ERC2: variants seen among roughly 807,000 people sequenced by gnomAD.
The protein encoded by ERC2 is ERC protein 2.
In ERC2, 42 loss-of-function variants were observed where a neutral mutation model predicts 114.8. That is an observed-to-expected ratio of 0.37 (90% CI 0.29 to 0.47). The LOEUF (loss-of-function observed/expected upper bound fraction) is 0.47. ERC2 is among the 20% of genes least tolerant of loss of function. The probability of loss-of-function intolerance (pLI) is 0.99; values close to 1 mark genes in which losing one functional copy is unlikely to be tolerated. For missense variants in ERC2, 939 were observed against 1,150.7 expected (o/e 0.82, Z 2.66); for synonymous variants, 454 against 425.5 (o/e 1.07, Z -0.82).
intron 14 of ERC2, among the ~76,000 whole-genome samples, chr3:55,822,568 CTTTTTTTTT>C (rs202173599): frequency 7.3e-6 from 1 of 137,082 alleles, no homozygotes; most frequent in African/African-American, 2.8e-5. Context: ...TCTTTTTTTT[CTTTTTTTTT>C]TTTTTGAGAC....
At chr3:56,033,070 A>C (rs1477615954) in intron 7 of ERC2, among the ~76,000 whole-genome samples, 2 of 120,380 alleles carry the variant, frequency 1.7e-5, no homozygotes, top group Non-Finnish European at 4.0e-5. Flanking sequence ...GAAAGAAAGA[A>C]AGAAAGAAAG....
chr3:56,419,641 A>G (rs756879286), intron 2 of ERC2, among the ~76,000 whole-genome samples: 7 of 152,234 alleles, frequency 4.6e-5, no homozygotes, highest in Non-Finnish European at 7.3e-5. Context: ...TCATATTACC[A>G]AAAGCTCATT....
At chr3:55,635,385 AT>A (rs369794497) in intron 17 of ERC2, among the ~76,000 whole-genome samples, 247 of 150,364 alleles carry the variant, frequency 1.6e-3, no homozygotes, top group African/African-American at 5.9e-3. Flanking sequence ...TTTTCAGATG[AT>A]TTTTTTTCTT....
chr3:55,736,007 G>A (rs2065608430), intron 14 of ERC2, among the ~76,000 whole-genome samples: 1 of 152,082 alleles, frequency 6.6e-6, no homozygotes, highest in African/African-American at 2.4e-5. Flanking sequence ...ACTTCAGTAG[G>A]TTTTACTTGA....
At chr3:56,325,763 C>T (rs538744626) in intron 2 of ERC2, among the ~76,000 whole-genome samples, 1 of 152,306 alleles carries the variant, frequency 6.6e-6, no homozygotes, top group East Asian at 1.9e-4. Flanking sequence ...TTCTTCCCAA[C>T]CACTTTATGA....
chr3:56,095,132 A>G (rs573587875), intron 6 of ERC2, among the ~76,000 whole-genome samples: 1 of 152,278 alleles, frequency 6.6e-6, no homozygotes, highest in Admixed American at 6.5e-5. Context: ...GTGCAGCCCT[A>G]TAGTCCCAAC....
intron 17 of ERC2, among the ~76,000 whole-genome samples, chr3:55,636,631 G>A (rs1189745721): frequency 6.6e-6 from 1 of 152,174 alleles, no homozygotes; most frequent in African/African-American, 2.4e-5. Flanking sequence ...TAAGGAGCCA[G>A]CAAGTAAATA....
intron 2 of ERC2, among the ~76,000 whole-genome samples, chr3:56,372,131 A>C (rs2059383108): frequency 1.3e-5 from 2 of 152,232 alleles, no homozygotes; most frequent in Non-Finnish European, 2.9e-5. Flanking sequence ...AAGGTATTTC[A>C]TGCTTTCAAA....
intron 6 of ERC2, among the ~76,000 whole-genome samples, chr3:56,088,306 G>A (rs558627948): frequency 2.0e-5 from 3 of 152,062 alleles, no homozygotes; most frequent in African/African-American, 4.8e-5. Context: ...CAATAAACTC[G>A]TATGATTTTG....
intron 17 of ERC2, chr3:55,659,320 G>C (rs1427268669): frequency 6.6e-6 from 1 of 152,188 alleles, no homozygotes; most frequent in Non-Finnish European, 1.5e-5. Flanking sequence ...ACTTGGGCCT[G>C]TCAGCCCAGA....
chr3:55,961,848 C>T (rs900392948), intron 12 of ERC2, among the ~76,000 whole-genome samples: 1 of 85,216 alleles, frequency 1.2e-5, no homozygotes, highest in African/African-American at 4.4e-5. Flanking sequence ...GAAATGATAC[C>T]CAGTCAAAAA....
chr3:56,037,966 T>C (rs2074908953), intron 7 of ERC2, among the ~76,000 whole-genome samples: 1 of 152,042 alleles, frequency 6.6e-6, no homozygotes, highest in African/African-American at 2.4e-5. Flanking sequence ...ATTAAAGACT[T>C]AAATGTAAAA....
At chr3:55,743,311 C>T (rs765249831) in intron 14 of ERC2, among the ~76,000 whole-genome samples, 5 of 104,588 alleles carry the variant, frequency 4.8e-5, no homozygotes, top group Admixed American at 2.3e-4. Context: ...CAAGTGCCAA[C>T]GTCATGTGCT....
Position 55,613,752 on chromosome 3 carries a change from G to A in ERC2, c.*39+70042C>T, listed in dbSNP as rs774281960. Among the ~76,000 whole-genome samples the A allele has an allele frequency of 9.2e-5, 14 of 152,068 alleles. No individual in the cohort carries two copies. In the South Asian group the frequency reaches 1.0e-3, roughly 11 times the overall value. On this transcript the variant is annotated intron_variant, in intron 17 of 17. Transcript: ENST00000288221. ...CCAGCATTTTGGGAGGCCAAGGTGG[G>A]TGGATCACCTGAGGGTCAGGAGTTC...
intron 17 of ERC2, among the ~76,000 whole-genome samples, chr3:55,541,403 G>A (rs1414726065): frequency 2.0e-5 from 3 of 152,298 alleles, no homozygotes; most frequent in African/African-American, 7.2e-5. Flanking sequence ...GTCAAATCAC[G>A]CCATTGGTGC....
At chr3:55,552,330 TC>T (rs1559641468) in intron 17 of ERC2, among the ~76,000 whole-genome samples, 2 of 152,308 alleles carry the variant, frequency 1.3e-5, no homozygotes, top group Non-Finnish European at 2.9e-5. Context: ...TCTCTGTTTT[TC>T]CATGGCCATA....
chr3:56,415,385 C>A (rs1188644664), intron 2 of ERC2, among the ~76,000 whole-genome samples: 1 of 152,156 alleles, frequency 6.6e-6, no homozygotes, highest in Non-Finnish European at 1.5e-5. Context: ...AACATTAACT[C>A]TATAACTATC....
intron 17 of ERC2, among the ~76,000 whole-genome samples, chr3:55,513,631 T>C (rs2052267918): frequency 6.6e-6 from 1 of 151,806 alleles, no homozygotes; most frequent in Admixed American, 6.6e-5. Flanking sequence ...TGTATATATA[T>C]ATATACATAT....
At chr3:55,640,914 G>A (rs893085972) in intron 17 of ERC2, among the ~76,000 whole-genome samples, 8 of 152,172 alleles carry the variant, frequency 5.3e-5, no homozygotes, top group Non-Finnish European at 8.8e-5. Context: ...GAGCGAACAC[G>A]ACATAGGACT....
Sources: gnomAD v4.1 joint callset for allele counts (sites outside exome capture counted in the v4.1 genomes callset) on GRCh38, gnomAD v4.1.1 for gene constraint, MANE v1.5 for transcripts, NCBI Gene and HGNC (gene_info 2026-07-23, HGNC 2026-07-21) for gene names.